Variants in MAML2 observed in about 807,000 individuals in gnomAD.
The protein encoded by MAML2 is mastermind-like protein 2.
A neutral mutation model predicts 96.1 loss-of-function variants in MAML2; 22 were observed. The observed-to-expected ratio is 0.23, with a 90% CI of 0.16 to 0.33. The LOEUF (loss-of-function observed/expected upper bound fraction) is 0.33. Among genes scored for constraint, MAML2 ranks in the 10% least tolerant of loss-of-function variants. The probability of loss-of-function intolerance (pLI) is 1.00; values close to 1 mark genes in which losing one functional copy is unlikely to be tolerated. For missense variants in MAML2, 1,367 were observed against 1,392.4 expected, an observed-to-expected ratio of 0.98 and a Z score of 0.29; for synonymous variants, 561 against 521.3, an observed-to-expected ratio of 1.08 and a Z score of -1.04.
intron 1 of MAML2, among the ~76,000 whole-genome samples, chr11:96,240,682 A>G (rs1010279149): frequency 6.6e-6 from 1 of 151,748 alleles, no homozygotes; most frequent in Non-Finnish European, 1.5e-5. Flanking sequence ...TGCAATTACC[A>G]CATTATAATC....
chr11:96,277,933 T>C lies in MAML2; in HGVS notation c.513+63450A>G, dbSNP rs1426467206. ...CTGTGGGAACTTTTTTTTTTTTTTTTCCATTCTCCAGGGCAGTGATTCTCA... is the reference window on the plus strand; with the variant it reads ...CTGTGGGAACTTTTTTTTTTTTTTTCCCATTCTCCAGGGCAGTGATTCTCA... On this transcript the variant is annotated intron_variant, in intron 1 of 4. Coordinates refer to ENST00000524717, the MANE Select transcript of MAML2 (RefSeq NM_032427.4). Among the ~76,000 whole-genome samples the C allele has an allele frequency of 5.3e-5, 8 of 151,218 alleles. 1 individual carries two copies. In the South Asian group the frequency reaches 1.3e-3, roughly 24 times the overall value.
chr11:95,979,911 A>G lies in MAML2; in HGVS notation c.2508T>C (p.Val836=). The G allele has an allele frequency of 6.2e-7, 1 of 1,613,894 alleles. No homozygotes were observed. The highest frequency in any genetic ancestry group is 8.5e-7 in the Non-Finnish European group (1 of 1,179,862). The change falls in exon 5 of 5, where the codon GTT becomes GTC. Residue 836 remains valine, a synonymous_variant. Transcript: ENST00000524717. Reference sequence around the variant, plus strand: ...TGGGAGTTAAAATGGTGTGTGTTGAAACTGGGTTTGCCAAAGCCTGGTTAG... The same window carrying G: ...TGGGAGTTAAAATGGTGTGTGTTGAGACTGGGTTTGCCAAAGCCTGGTTAG... ...LNSNQALANP[V]STHTILTPNS... is the part of the protein sequence containing the mutation.
chr11:96,214,582 G>A (rs1862020644), intron 1 of MAML2, among the ~76,000 whole-genome samples: 1 of 152,176 alleles, frequency 6.6e-6, no homozygotes, highest in East Asian at 1.9e-4. Flanking sequence ...CTCCAAAGCA[G>A]GAGGTTTAAA....
intron 1 of MAML2, among the ~76,000 whole-genome samples, chr11:96,305,694 A>T (rs1271219395): frequency 6.6e-6 from 1 of 152,184 alleles, no homozygotes; most frequent in Admixed American, 6.5e-5. Context: ...CACAAAGGGA[A>T]TTTTTTCTAT....
chr11:96,214,997 A>C (rs1862027553), intron 1 of MAML2, among the ~76,000 whole-genome samples: 3 of 152,232 alleles, frequency 2.0e-5, no homozygotes, highest in Admixed American at 2.0e-4. Context: ...GATTGGGTCC[A>C]GTGGTTCCCT....
intron 1 of MAML2, among the ~76,000 whole-genome samples, chr11:96,193,343 TG>T (rs1861683261): frequency 6.6e-6 from 1 of 152,160 alleles, no homozygotes; most frequent in South Asian, 2.1e-4. Context: ...CACTCCAGCC[TG>T]GGCGACAGGG....
intron 2 of MAML2, among the ~76,000 whole-genome samples, chr11:96,016,074 TCTTTATTTAAA>T (rs1402289472): frequency 6.6e-6 from 1 of 152,298 alleles, no homozygotes; most frequent in Admixed American, 6.5e-5. Context: ...CAAAACTTAA[TCTTTATTTAAA>T]CTTTATTTAA....
chr11:96,107,684 C>T (rs1860046950), intron 1 of MAML2, among the ~76,000 whole-genome samples: 1 of 152,186 alleles, frequency 6.6e-6, no homozygotes. Flanking sequence ...GGCTTCACCA[C>T]CCAACCTCCA....
intron 2 of MAML2, among the ~76,000 whole-genome samples, chr11:96,053,149 AAC>A (rs1216330660): frequency 1.3e-5 from 2 of 152,252 alleles, no homozygotes; most frequent in African/African-American, 4.8e-5. Flanking sequence ...TTGTTCATGT[AAC>A]ACAGAATACA....
At chr11:96,281,006 A>G (rs1449080968) in intron 1 of MAML2, among the ~76,000 whole-genome samples, 1 of 152,222 alleles carries the variant, frequency 6.6e-6, no homozygotes, top group Non-Finnish European at 1.5e-5. Context: ...AAAACTTGTA[A>G]CAGTATTTTC....
intron 1 of MAML2, among the ~76,000 whole-genome samples, chr11:96,168,375 C>A (rs1282013894): frequency 2.6e-5 from 4 of 152,062 alleles, no homozygotes; most frequent in African/African-American, 4.8e-5. Flanking sequence ...ATCTATCTAC[C>A]TATCTAACTC....
At chr11:96,082,847 G>A (rs910295644) in intron 2 of MAML2, among the ~76,000 whole-genome samples, 2 of 152,264 alleles carry the variant, frequency 1.3e-5, no homozygotes, top group Non-Finnish European at 2.9e-5. Flanking sequence ...CAGTGGTGTC[G>A]GCAGTAGCAC....
At position 96,006,870 on chromosome 11, in the gene MAML2, TATACACACACACACACACACAC is replaced by T. The variant is rs1295544914; in HGVS notation, c.2140-15169_2140-15148del. 5.5e-3 allele frequency among the ~76,000 whole-genome samples: 608 copies of T among 109,898 alleles called. 6 individuals are homozygous for T. In the South Asian group the frequency reaches 0.062, roughly 11 times the overall value. 72.1% of individuals were successfully genotyped at this position (109,898 alleles called of 152,430 possible). A position where few individuals can be genotyped will look rare whatever the true frequency, so the allele number is the denominator to read the frequency against. ...CCACCACGCCTGGCCAGGAATATCT[TATACACACACACACACACACAC>T]ACACACACACACACACACACACACG... is the stretch of plus-strand genomic sequence containing the variant. On this transcript the variant is annotated intron_variant, in intron 2 of 4. Transcript: ENST00000524717.
chr11:96,255,715 G>A (rs141514163), intron 1 of MAML2, among the ~76,000 whole-genome samples: 1 of 152,172 alleles, frequency 6.6e-6, no homozygotes, highest in East Asian at 1.9e-4. Context: ...TCCAGATGAG[G>A]GAATGACAAA....
At chr11:96,219,755 AT>A (rs1015929924) in intron 1 of MAML2, among the ~76,000 whole-genome samples, 4 of 152,046 alleles carry the variant, frequency 2.6e-5, no homozygotes, top group African/African-American at 9.7e-5. Flanking sequence ...CCTCCTGAGC[AT>A]TTGGGATTAC....
intron 3 of MAML2, among the ~76,000 whole-genome samples, chr11:95,990,958 G>A (rs529676980): frequency 1.3e-5 from 2 of 151,832 alleles, no homozygotes; most frequent in Admixed American, 1.3e-4. Context: ...AAGTGATTAC[G>A]GTTTTTGCCA....
intron 4 of MAML2, among the ~76,000 whole-genome samples, chr11:95,984,613 G>T (rs1178531052): frequency 6.6e-6 from 1 of 152,132 alleles, no homozygotes; most frequent in African/African-American, 2.4e-5. Context: ...GTTGAAAGAG[G>T]CAACCTGTTG....
Position 96,224,280 on chromosome 11 carries a change from A to G in MAML2, c.513+117103T>C, listed in dbSNP as rs545641038. On this transcript the variant is annotated intron_variant, in intron 1 of 4. Coordinates refer to ENST00000524717, the MANE Select transcript of MAML2 (RefSeq NM_032427.4). Reference sequence around the variant, plus strand: ...TCCTAAAGTACCAGTCTATTTATTTACTCAATAACCCTCCTTTTCAAACAC... The same window carrying G: ...TCCTAAAGTACCAGTCTATTTATTTGCTCAATAACCCTCCTTTTCAAACAC... Among the ~76,000 whole-genome samples the G allele has an allele frequency of 4.6e-5, 7 of 152,332 alleles. No homozygotes were observed. The East Asian group carries it at 9.6e-4, about 21-fold the overall frequency.
intron 1 of MAML2, among the ~76,000 whole-genome samples, chr11:96,320,480 C>A (rs1165338669): frequency 6.6e-6 from 1 of 152,200 alleles, no homozygotes; most frequent in Non-Finnish European, 1.5e-5. Flanking sequence ...ATGGCTCTGG[C>A]AGAACATCCA....
Sources: allele counts gnomAD v4.1 joint callset (sites outside exome capture counted in the v4.1 genomes callset), GRCh38; gene constraint gnomAD v4.1.1; transcripts MANE v1.5; gene names NCBI Gene and HGNC (gene_info 2026-07-23, HGNC 2026-07-21).